The following PPARGC1A variants were observed in gnomAD, a reference collection of about 807,000 sequenced individuals.
The protein encoded by PPARGC1A is PPARG coactivator 1 alpha, also known as peroxisome proliferator-activated receptor gamma coactivator 1-alpha.
In PPARGC1A, 25 loss-of-function variants were observed where a neutral mutation model predicts 88.7. That is an observed-to-expected ratio of 0.28 (90% confidence interval 0.21 to 0.39). PPARGC1A has a LOEUF of 0.39. PPARGC1A is among the 10% of genes least tolerant of loss of function. PPARGC1A has a pLI of 1.00. For missense variants in PPARGC1A, 880 were observed against 968.7 expected (o/e 0.91, Z 1.22); for synonymous variants, 363 against 355.6 (o/e 1.02, Z -0.24).
the PPARGC1A span, among the ~76,000 whole-genome samples, chr4:24,407,444 G>A: frequency 3.3e-5 from 5 of 152,170 alleles, no homozygotes; most frequent in African/African-American, 1.2e-4. Context: ...GTGGGAGAAT[G>A]TTCTGGTAAA....
At chr4:23,917,346 A>G in the PPARGC1A span, among the ~76,000 whole-genome samples, 6 of 150,538 alleles carry the variant, frequency 4.0e-5, no homozygotes, top group African/African-American at 1.5e-4. Flanking sequence ...TAGGAACCAC[A>G]TCATACTCTT....
the PPARGC1A span, among the ~76,000 whole-genome samples, chr4:24,427,521 C>T: frequency 1.3e-5 from 2 of 152,020 alleles, no homozygotes; most frequent in Admixed American, 1.3e-4. Context: ...CTCAGGCGAT[C>T]CACCCGTGAC....
Position 23,802,277 on chromosome 4 carries a change from A to G in PPARGC1A, c.2088T>C (p.Arg696=), listed in dbSNP as rs1718904453. Residue 696 remains arginine (R), a synonymous_variant, in exon 11 of 13, where the codon CGT becomes CGC. Transcript: ENST00000264867. ...PDTTRTELRD[R]FEVFGEIEEC... ...CCTCAATTTCACCAAAAACTTCAAAACGGTCCCTCAGTTCTGTCCGTGTTG... is the reference window on the plus strand; with the variant it reads ...CCTCAATTTCACCAAAAACTTCAAAGCGGTCCCTCAGTTCTGTCCGTGTTG... 1.9e-6 allele frequency: 3 copies of G among 1,613,126 alleles called. No homozygotes were observed. In the South Asian group the frequency reaches 3.3e-5, roughly 18 times the overall value.
At chr4:24,066,849 G>GTTTTTTTTTTTTTTT in the PPARGC1A span, among the ~76,000 whole-genome samples, 13 of 100,878 alleles carry the variant, frequency 1.3e-4, no homozygotes, top group East Asian at 2.9e-4. Flanking sequence ...TTTGTTTTGG[G>GTTTTTTTTTTTTTTT]TTTTTTTTTT....
chr4:24,191,920 G>C, the PPARGC1A span, among the ~76,000 whole-genome samples: 1 of 152,186 alleles, frequency 6.6e-6, no homozygotes, highest in Non-Finnish European at 1.5e-5. Flanking sequence ...TCAACCCTTA[G>C]AGAGTACACA....
chr4:24,162,327 T>C, the PPARGC1A span, among the ~76,000 whole-genome samples: 1 of 152,086 alleles, frequency 6.6e-6, no homozygotes, highest in Non-Finnish European at 1.5e-5. Context: ...AAATTATTCA[T>C]GTAACCAAAC....
chr4:24,042,615 C>T, the PPARGC1A span, among the ~76,000 whole-genome samples: 26 of 152,326 alleles, frequency 1.7e-4, no homozygotes, highest in East Asian at 4.4e-3. Flanking sequence ...TACCGGACCA[C>T]ATAAATGTCA....
the PPARGC1A span, among the ~76,000 whole-genome samples, chr4:24,262,241 A>G: frequency 1.3e-5 from 2 of 152,180 alleles, no homozygotes; most frequent in African/African-American, 4.8e-5. Context: ...GTCCTCAGAA[A>G]ACATTTTGGC....
chr4:24,175,308 G>A, the PPARGC1A span, among the ~76,000 whole-genome samples: 3 of 149,856 alleles, frequency 2.0e-5, no homozygotes, highest in Non-Finnish European at 3.0e-5. Context: ...ATCCCATTTT[G>A]TGATAACAAC....
the PPARGC1A span, among the ~76,000 whole-genome samples, chr4:24,340,027 G>A: frequency 2.0e-5 from 3 of 152,092 alleles, no homozygotes; most frequent in Admixed American, 6.5e-5. Flanking sequence ...GTGAGCCACC[G>A]TGCCCGGCCT....
chr4:24,283,436 G>T, the PPARGC1A span, among the ~76,000 whole-genome samples: 2 of 152,138 alleles, frequency 1.3e-5, no homozygotes, highest in Admixed American at 6.5e-5. Flanking sequence ...GGCAGCATTT[G>T]AACTTGAAAG....
At chr4:24,045,519 T>C in the PPARGC1A span, among the ~76,000 whole-genome samples, 1 of 152,178 alleles carries the variant, frequency 6.6e-6, no homozygotes, top group African/African-American at 2.4e-5. Context: ...AAATCCTCTA[T>C]GGCCTCTTCT....
chr4:24,371,145 T>C, the PPARGC1A span, among the ~76,000 whole-genome samples: 1 of 152,168 alleles, frequency 6.6e-6, no homozygotes, highest in Non-Finnish European at 1.5e-5. Context: ...TATTCCATGG[T>C]GTATATGTGC....
At chr4:24,300,324 ATTTTTTTTTTTTTTTTTTTTTTTTTTTTT>A in the PPARGC1A span, among the ~76,000 whole-genome samples, 248 of 45,030 alleles carry the variant, frequency 5.5e-3, no homozygotes, top group African/African-American at 0.017. Flanking sequence ...ATACAATAGC[ATTTTTTTTTTTTTTTTTTTTTTTTTTTTT>A]TTTTTTTTTT....
At chr4:23,907,978 G>A (rs1720257284), upstream of PPARGC1A, among the ~76,000 whole-genome samples, 1 of 152,186 alleles carries the variant, frequency 6.6e-6, no homozygotes, top group African/African-American at 2.4e-5. Context: ...CACAGAGTGA[G>A]CCTCTAAAAT....
At chr4:24,410,901 C>T in the PPARGC1A span, among the ~76,000 whole-genome samples, 4 of 152,200 alleles carry the variant, frequency 2.6e-5, 1 homozygote, top group African/African-American at 9.7e-5. Flanking sequence ...GGTTTTGGGA[C>T]TCTGATCCAC....
rs545017750 is a variant in PPARGC1A at position 23,840,525 on chromosome 4, G to C, written c.235-8774C>G. Among the ~76,000 whole-genome samples the C allele has an allele frequency of 2.0e-5, 3 of 152,032 alleles. No homozygotes were observed. In the East Asian group the frequency reaches 5.8e-4, roughly 29 times the overall value. On this transcript the variant is annotated intron_variant, in intron 2 of 12. Coordinates refer to ENST00000264867, the MANE Select transcript of PPARGC1A (RefSeq NM_013261.5). ...TTTACTCAAGTGTCACCTTCTCAGT[G>C]CAACATTTCCCAACTACTCTGGACA...
the PPARGC1A span, among the ~76,000 whole-genome samples, chr4:24,271,522 C>T: frequency 2.0e-5 from 3 of 152,110 alleles, no homozygotes; most frequent in Non-Finnish European, 4.4e-5. Flanking sequence ...GGACTACAGG[C>T]GCCGGCCACC....
the PPARGC1A span, among the ~76,000 whole-genome samples, chr4:24,310,025 A>G: frequency 6.6e-6 from 1 of 152,232 alleles, no homozygotes; most frequent in Non-Finnish European, 1.5e-5. Context: ...TTGAACATCC[A>G]GAAGGATGGT....
Sources: allele counts gnomAD v4.1 joint callset (sites outside exome capture counted in the v4.1 genomes callset), GRCh38; gene constraint gnomAD v4.1.1; transcripts MANE v1.5; gene names NCBI Gene and HGNC (gene_info 2026-07-23, HGNC 2026-07-21).